MRTFB: variants seen among roughly 807,000 people sequenced by gnomAD.
MRTFB encodes myocardin related transcription factor B.
Under a neutral mutation model 104.2 loss-of-function variants are expected in MRTFB, and 29 were observed. That is an observed-to-expected ratio of 0.28 (90% CI 0.21 to 0.38). The LOEUF is 0.38. MRTFB is among the 10% of genes least tolerant of loss of function. The pLI is 1.00. For synonymous variants in MRTFB, 535 were observed against 519.5 expected (o/e 1.03, Z -0.41); for missense variants, 1,270 against 1,341.6 (o/e 0.95, Z 0.83).
intron 15 of MRTFB, among the ~76,000 whole-genome samples, chr16:14,257,285 G>A (rs938772518): frequency 6.6e-6 from 1 of 152,106 alleles, no homozygotes; most frequent in African/African-American, 2.4e-5. Context: ...ACAAGGACCT[G>A]TACACAAATG....
intron 2 of MRTFB, among the ~76,000 whole-genome samples, chr16:14,092,235 T>A (rs1202045894): frequency 6.6e-6 from 1 of 152,148 alleles, no homozygotes; most frequent in Non-Finnish European, 1.5e-5. Context: ...GGACAGGGAC[T>A]ATTTTTTTTT....
chr16:14,201,100 C>G (rs1045855023), intron 3 of MRTFB: 1 of 1,391,114 alleles, frequency 7.2e-7, no homozygotes, highest in African/African-American at 1.5e-5. Context: ...CACTTAAAAA[C>G]TTTATTTATA....
At chr16:14,195,816 GC>G (rs764915183) in intron 3 of MRTFB, among the ~76,000 whole-genome samples, 11 of 152,026 alleles carry the variant, frequency 7.2e-5, no homozygotes, top group Non-Finnish European at 1.5e-4. Context: ...ATTTTTTATT[GC>G]CCTCAAAATA....
At chr16:14,037,791 T>A in the MRTFB span, among the ~76,000 whole-genome samples, 13 of 152,140 alleles carry the variant, frequency 8.5e-5, no homozygotes, top group Non-Finnish European at 1.6e-4. Context: ...GAACAAGGAG[T>A]TCAGCGGATG....
chr16:14,130,772 G>A (rs970240131), intron 2 of MRTFB, among the ~76,000 whole-genome samples: 3 of 151,160 alleles, frequency 2.0e-5, no homozygotes, highest in Non-Finnish European at 4.4e-5. Flanking sequence ...ATGGCGCTGG[G>A]GAGGCCTCAG....
chr16:14,001,243 C>T, the MRTFB span, among the ~76,000 whole-genome samples: 5 of 152,280 alleles, frequency 3.3e-5, no homozygotes, highest in African/African-American at 9.6e-5. Flanking sequence ...GCTCCAAAGG[C>T]GGCCAAGGGT....
At chr16:14,113,501 G>C (rs1398016947) in intron 2 of MRTFB, among the ~76,000 whole-genome samples, 1 of 152,242 alleles carries the variant, frequency 6.6e-6, no homozygotes. Context: ...TTTATTCGCA[G>C]TAGGTGATTT....
chr16:14,220,741 G>A (rs1045461967), intron 8 of MRTFB, among the ~76,000 whole-genome samples: 2 of 152,152 alleles, frequency 1.3e-5, no homozygotes, highest in African/African-American at 2.4e-5. Context: ...GTACAGTTCT[G>A]CCTGTTACAT....
chr16:14,163,614 C>G (rs1347258809), intron 3 of MRTFB, among the ~76,000 whole-genome samples: 2 of 152,032 alleles, frequency 1.3e-5, no homozygotes, highest in Admixed American at 6.5e-5. Context: ...GGCGCATCAC[C>G]TGAGGTCAGG....
chr16:14,135,170 A>G (rs1466136276), intron 2 of MRTFB, among the ~76,000 whole-genome samples: 1 of 152,106 alleles, frequency 6.6e-6, no homozygotes, highest in Non-Finnish European at 1.5e-5. Flanking sequence ...CTCACTACTT[A>G]TACCTGCCTT....
At chr16:14,092,295 T>A (rs551846858) in intron 2 of MRTFB, among the ~76,000 whole-genome samples, 32 of 152,262 alleles carry the variant, frequency 2.1e-4, no homozygotes, top group Non-Finnish European at 3.8e-4. Flanking sequence ...ATAGTGGGTG[T>A]ACAGTATATA....
At chr16:14,199,321 C>G (rs1436334854) in intron 3 of MRTFB, among the ~76,000 whole-genome samples, 2 of 152,210 alleles carry the variant, frequency 1.3e-5, no homozygotes, top group East Asian at 3.8e-4. Context: ...CTTAAGAGCT[C>G]AGTCCCGGGC....
the MRTFB span, among the ~76,000 whole-genome samples, chr16:14,043,519 G>A: frequency 8.7e-4 from 132 of 152,074 alleles, 4 homozygotes; most frequent in East Asian, 0.019. Flanking sequence ...TCCTACCCAC[G>A]CACCAAGCCA....
In MRTFB at chr16:14,177,715, G is replaced by T. The variant is rs2039630819; in HGVS notation, c.155-32528G>T. 6.6e-6 allele frequency among the ~76,000 whole-genome samples: 1 copy of T among 151,892 alleles called. No homozygotes were observed. ...GCATGAGCCTGTAGACCCAGCTACT[G>T]GGGAGGCTGAAGAGGGAAGATTGCT... is the stretch of plus-strand genomic sequence containing the variant. On this transcript the variant is annotated intron_variant, in intron 3 of 16. Transcript: ENST00000571589. The surrounding 1 kb of genome is among the most constrained non-coding windows in gnomAD (Gnocchi z 4.7).
intron 13 of MRTFB, 123 bp downstream of exon 13, chr16:14,249,204 T>A: frequency 8.6e-7 from 1 of 1,157,756 alleles, no homozygotes; most frequent in Non-Finnish European, 1.2e-6. Flanking sequence ...GTGATCCATC[T>A]CCCATAGAAT....
At chr16:14,035,998 T>A in the MRTFB span, among the ~76,000 whole-genome samples, 2 of 150,076 alleles carry the variant, frequency 1.3e-5, no homozygotes, top group East Asian at 3.9e-4. Context: ...CATTCCTGAG[T>A]CACTTCACTT....
At chr16:14,187,106 C>A in intron 3 of MRTFB, 1 of 1,274,528 alleles carries the variant, frequency 7.8e-7, no homozygotes, top group Non-Finnish European at 1.1e-6. Context: ...GCGTGTCTGT[C>A]TGTTACCATG....
intron 3 of MRTFB, chr16:14,186,953 A>G: frequency 6.3e-7 from 1 of 1,598,194 alleles, no homozygotes; most frequent in East Asian, 2.2e-5. Flanking sequence ...AGGGCTTCCC[A>G]GAGATTTTAA....
At chr16:14,200,345 C>T (rs1597229848) in intron 3 of MRTFB, 4 of 1,607,670 alleles carry the variant, frequency 2.5e-6, no homozygotes, top group East Asian at 2.2e-5. Context: ...GTAAGGCTGG[C>T]GTAGGGCCGC....
Sources: allele counts gnomAD v4.1 joint callset (sites outside exome capture counted in the v4.1 genomes callset), GRCh38; gene constraint gnomAD v4.1.1; non-coding constraint Gnocchi (gnomAD v3.1); transcripts MANE v1.5; gene names NCBI Gene and HGNC (gene_info 2026-07-23, HGNC 2026-07-21).